Variants in CD58 observed in about 807,000 individuals in gnomAD.
The protein encoded by CD58 is CD58 molecule, also known as lymphocyte function-associated antigen 3.
Under a neutral mutation model 27.6 loss-of-function variants are expected in CD58, and 14 were observed. The observed-to-expected ratio is 0.51, with a 90% confidence interval of 0.34 to 0.79. CD58 has a LOEUF of 0.79. Among genes scored for constraint, CD58 ranks in the 30% least tolerant of loss-of-function variants. The probability of loss-of-function intolerance (pLI) is 0.02; values close to 1 mark genes in which losing one functional copy is unlikely to be tolerated. For missense variants in CD58, 268 were observed against 301.7 expected (o/e 0.89, Z 0.83); for synonymous variants, 117 against 103.8 (o/e 1.13, Z -0.77).
In CD58 at chr1:116,538,860, A is replaced by G. The variant is rs552904506; in HGVS notation, c.365-2632T>C. Among the ~76,000 whole-genome samples, 72 of 152,352 alleles carry G rather than the reference A, an allele frequency of 4.7e-4. No individual in the cohort carries two copies. Among genetic ancestry groups the G allele is most frequent in the African/African-American group, 1.4e-3 (59 of 41,576 alleles). On this transcript the variant is annotated intron_variant, in intron 2 of 5. Transcript: ENST00000369489. The surrounding 1 kb of genome is among the most constrained non-coding windows in gnomAD (Gnocchi z 4.7). ...TGGGGAGACAGATGGATAGAAGGAT[A>G]GATTCAGAGAGACAGTCTTCAAATA...
intron 1 of CD58, among the ~76,000 whole-genome samples, chr1:116,569,565 CCTT>C (rs973468228): frequency 2.0e-5 from 3 of 151,030 alleles, no homozygotes; most frequent in Non-Finnish European, 3.0e-5. Flanking sequence ...AAAGAGACTG[CCTT>C]CTTCTTCCCT....
intron 1 of CD58, among the ~76,000 whole-genome samples, chr1:116,567,298 G>A (rs1313795884): frequency 7.0e-6 from 1 of 142,956 alleles, no homozygotes; most frequent in Admixed American, 7.1e-5. Context: ...AGGGAGGGAG[G>A]GAGAAGAAAG....
At chr1:116,549,873 A>C (rs1658333069) in intron 1 of CD58, among the ~76,000 whole-genome samples, 1 of 152,244 alleles carries the variant, frequency 6.6e-6, no homozygotes, top group African/African-American at 2.4e-5. Flanking sequence ...AACAGCAATC[A>C]TGTAAATATC....
rs959140359 is a variant in CD58, at chr1:116,538,906, G to A, written c.365-2678C>T. Among the ~76,000 whole-genome samples the A allele has an allele frequency of 1.3e-5, 2 of 152,160 alleles. No homozygotes were observed. The highest frequency in any genetic ancestry group is 2.4e-5 in the African/African-American group (1 of 41,436). ...AAATAAAATGTAAATTCTTCTACCC[G>A]CTATCTCCAAAGAGGTACAGTATGG... is the stretch of plus-strand genomic sequence containing the variant. On this transcript the variant is annotated intron_variant, in intron 2 of 5. Coordinates refer to ENST00000369489, the MANE Select transcript of CD58 (RefSeq NM_001779.3). This position sits in a 1 kb window ranked among gnomAD's most constrained non-coding sequence, Gnocchi z 4.7.
Position 116,538,615 on chromosome 1 carries a change from G to C in CD58, c.365-2387C>G, listed in dbSNP as rs1003050176. 6.6e-6 allele frequency among the ~76,000 whole-genome samples: 1 copy of C among 152,216 alleles called. No individual in the cohort carries two copies. The highest frequency in any genetic ancestry group is 1.5e-5 in the Non-Finnish European group (1 of 68,042). On this transcript the variant is annotated intron_variant, in intron 2 of 5. Transcript: ENST00000369489. This position sits in a 1 kb window ranked among gnomAD's most constrained non-coding sequence, Gnocchi z 4.7. Reference sequence around the variant, plus strand: ...ACCATCCCAGGTGCTTCTGATGTATGTGGCCTGTTTGTTCTGTTGCAGATT... The same window carrying C: ...ACCATCCCAGGTGCTTCTGATGTATCTGGCCTGTTTGTTCTGTTGCAGATT...
chr1:116,566,677 G>A (rs1051833860), intron 1 of CD58, among the ~76,000 whole-genome samples: 2 of 152,150 alleles, frequency 1.3e-5, no homozygotes, highest in Non-Finnish European at 2.9e-5. Context: ...GTTCCCACTT[G>A]TCAAATGTGG....
chr1:116,539,508 A>AAAAAGAAAAG (rs150111915), intron 2 of CD58, among the ~76,000 whole-genome samples: 1 of 152,184 alleles, frequency 6.6e-6, no homozygotes, highest in Non-Finnish European at 1.5e-5. Context: ...AGGGTTTGTA[A>AAAAAGAAAAG]AAAAGAAAAG....
Position 116,523,771 on chromosome 1 carries a change from T to C in CD58, c.629-1788A>G, listed in dbSNP as rs940847528. On this transcript the variant is annotated intron_variant, in intron 3 of 5. Transcript: ENST00000369489. This position sits in a 1 kb window ranked among gnomAD's most constrained non-coding sequence, Gnocchi z 4.4. ...TTCTTTACTAACTACAATCTTCACATAAAGATAAACTGCCCCTCATCAACA... is the reference window on the plus strand; with the variant it reads ...TTCTTTACTAACTACAATCTTCACACAAAGATAAACTGCCCCTCATCAACA... 3.9e-5 allele frequency among the ~76,000 whole-genome samples: 6 copies of C among 152,196 alleles called. No individual in the cohort carries two copies. The highest frequency in any genetic ancestry group is 3.3e-4 in the Admixed American group (5 of 15,278).
intron 1 of CD58, among the ~76,000 whole-genome samples, chr1:116,568,783 G>A (rs1465107450): frequency 6.6e-6 from 1 of 152,226 alleles, no homozygotes; most frequent in Non-Finnish European, 1.5e-5. Context: ...CTGAAGTGAA[G>A]AGAAGTTAGG....
At chr1:116,548,094 T>C (rs889357613) in intron 1 of CD58, among the ~76,000 whole-genome samples, 30 of 152,380 alleles carry the variant, frequency 2.0e-4, no homozygotes, top group Middle Eastern at 3.4e-3. Flanking sequence ...GCCATTTGTA[T>C]ATCCTCCTTT....
chr1:116,544,450 T>A lies in CD58; in HGVS notation c.225A>T (p.Ser75=), dbSNP rs1418703321. Residue 75 remains serine, a synonymous_variant, in exon 2 of 6, where the codon TCA becomes TCT. Coordinates refer to ENST00000369489, the MANE Select transcript of CD58 (RefSeq NM_001779.3). ...CTAAATAAACCCTATTTTTAAAAGA[T>A]GAGAAAGCTCTGAATTCAGAATTTT... ...ELENSEFRAF[S]SFKNRVYLDT... is the part of the protein sequence containing the mutation. 2 of 1,614,032 alleles carry A rather than the reference T, an allele frequency of 1.2e-6. No homozygotes were observed. The highest frequency in any genetic ancestry group is 2.2e-5 in the East Asian group (1 of 44,870).
Position 116,557,743 on chromosome 1 carries a change from G to A in CD58, c.71-13139C>T, listed in dbSNP as rs1658610352. 6.6e-6 allele frequency among the ~76,000 whole-genome samples: 1 copy of A among 151,638 alleles called. No individual in the cohort carries two copies. Among genetic ancestry groups the A allele is most frequent in the Non-Finnish European group, 1.5e-5 (1 of 67,980 alleles). On this transcript the variant is annotated intron_variant, in intron 1 of 5. Coordinates refer to ENST00000369489, the MANE Select transcript of CD58 (RefSeq NM_001779.3). The surrounding 1 kb of genome is among the most constrained non-coding windows in gnomAD (Gnocchi z 5.2). The stretch of plus-strand genomic sequence containing the variant: ...GGTTGGTGTGCAGTGGTGCAATCGT[G>A]GCTCACTGTAGCTTCAACCTCCTGG...
chr1:116,565,900 G>C (rs1658913717), intron 1 of CD58, among the ~76,000 whole-genome samples: 2 of 151,946 alleles, frequency 1.3e-5, no homozygotes, highest in South Asian at 4.2e-4. Context: ...TTTTGTTTTA[G>C]TAGAGACAGG....
chr1:116,533,708 C>T, intron 3 of CD58: 2 of 687,596 alleles, frequency 2.9e-6, no homozygotes, highest in East Asian at 3.0e-5. Context: ...TCCTCCTCTT[C>T]ATTTTCACGG....
intron 1 of CD58, among the ~76,000 whole-genome samples, chr1:116,558,711 T>A (rs1658660747): frequency 6.6e-6 from 1 of 152,234 alleles, no homozygotes; most frequent in Admixed American, 6.5e-5. Flanking sequence ...CTTGCCTAGC[T>A]CTTAGCAAGT....
chr1:116,542,266 G>A lies in CD58; in HGVS notation c.364+2045C>T, dbSNP rs145831251. On this transcript the variant is annotated intron_variant, in intron 2 of 5. Transcript: ENST00000369489. ...GCATTCCAGCCTGGGCAACAAGGGC[G>A]AAACCCCCTCTCAAGGAAAAAAGAG... Among the ~76,000 whole-genome samples the A allele has an allele frequency of 5.8e-3, 886 of 152,258 alleles. 5 individuals are homozygous for A. The highest frequency in any genetic ancestry group is 0.02 in the African/African-American group (843 of 41,550).
At position 116,519,409 on chromosome 1, in the gene CD58, T is replaced by C. The variant is rs1571056177; in HGVS notation, c.707-142A>G. Reference sequence around the variant, plus strand: ...CCCTGGGATTTCCTGCTATCCTATATGCTTTAAATCAAATCGGCTACAGAG... The same window carrying C: ...CCCTGGGATTTCCTGCTATCCTATACGCTTTAAATCAAATCGGCTACAGAG... On this transcript the variant is annotated intron_variant, in intron 4 of 5. Coordinates refer to ENST00000369489, the MANE Select transcript of CD58 (RefSeq NM_001779.3). This position sits in a 1 kb window ranked among gnomAD's most constrained non-coding sequence, Gnocchi z 4.7. 7.9e-6 allele frequency: 6 copies of C among 756,600 alleles called. No homozygotes were observed. Among genetic ancestry groups the C allele is most frequent in the East Asian group, 2.7e-5 (1 of 36,830 alleles). The allele number at this position is 756,600 out of a possible 1,614,324, so 46.9% of individuals were successfully genotyped here. A position where few individuals can be genotyped will look rare whatever the true frequency, so the allele number is the denominator to read the frequency against.
chr1:116,533,365 G>A, intron 3 of CD58: 1 of 1,002,002 alleles, frequency 1.0e-6, no homozygotes, highest in Non-Finnish European at 1.6e-6. Flanking sequence ...ATGATCTCAG[G>A]ACCTGCAAAT....
rs981063511 is a variant in CD58 at position 116,528,030 on chromosome 1, T to G, written c.629-6047A>C. 6.6e-6 allele frequency among the ~76,000 whole-genome samples: 1 copy of G among 152,202 alleles called. No individual in the cohort carries two copies. Among genetic ancestry groups the G allele is most frequent in the Admixed American group, 6.5e-5 (1 of 15,278 alleles). Reference sequence around the variant, plus strand: ...CTCCCGTCTTGGCCTCACAAAGTGTTGGGATTATAGGCATAAGCCACTGCA... The same window carrying G: ...CTCCCGTCTTGGCCTCACAAAGTGTGGGGATTATAGGCATAAGCCACTGCA... On this transcript the variant is annotated intron_variant, in intron 3 of 5. Transcript: ENST00000369489. This position sits in a 1 kb window ranked among gnomAD's most constrained non-coding sequence, Gnocchi z 4.4.
Sources: gnomAD v4.1 joint callset for allele counts (sites outside exome capture counted in the v4.1 genomes callset) on GRCh38, gnomAD v4.1.1 for gene constraint, Gnocchi (gnomAD v3.1) non-coding constraint, MANE v1.5 for transcripts, NCBI Gene and HGNC (gene_info 2026-07-23, HGNC 2026-07-21) for gene names.